SCARB1: variants seen among roughly 807,000 people sequenced by gnomAD.
The protein encoded by SCARB1 is CD36 and LIMPII analogous 1.
Under a neutral mutation model 57.2 loss-of-function variants are expected in SCARB1, and 30 were observed. The ratio of observed to expected loss-of-function variants is 0.52; its 90% CI spans 0.39 to 0.71. The LOEUF is 0.71. Among genes scored for constraint, SCARB1 ranks in the 30% least tolerant of loss-of-function variants. SCARB1 has a pLI of 0.00. For synonymous variants in SCARB1, 249 were observed against 268.3 expected (o/e 0.93, Z 0.70); for missense variants, 543 against 671.2 (o/e 0.81, Z 2.11).
intron 1 of SCARB1, among the ~76,000 whole-genome samples, chr12:124,836,329 T>C (rs760422981): frequency 2.6e-5 from 4 of 152,164 alleles, no homozygotes; most frequent in Non-Finnish European, 5.9e-5. Flanking sequence ...CAAAATCTAC[T>C]GAGGCAGAGC....
At chr12:124,852,420 C>T (rs924254705) in intron 1 of SCARB1, among the ~76,000 whole-genome samples, 3 of 152,138 alleles carry the variant, frequency 2.0e-5, no homozygotes, top group Non-Finnish European at 4.4e-5. Flanking sequence ...CGCTACAGCC[C>T]GAGGAGGGAG....
At chr12:124,820,143 T>C (rs765376628) in intron 1 of SCARB1, among the ~76,000 whole-genome samples, 11 of 152,072 alleles carry the variant, frequency 7.2e-5, no homozygotes, top group Non-Finnish European at 1.6e-4. Flanking sequence ...GAGCAGCCCA[T>C]AGGTGCAAAC....
chr12:124,858,095 G>A (rs1354560151), intron 1 of SCARB1, among the ~76,000 whole-genome samples: 1 of 152,196 alleles, frequency 6.6e-6, no homozygotes, highest in Non-Finnish European at 1.5e-5. Context: ...CAGGGAATGG[G>A]AGCAAGAGTC....
intron 1 of SCARB1, among the ~76,000 whole-genome samples, chr12:124,851,102 G>A (rs527850970): frequency 6.6e-6 from 1 of 152,298 alleles, no homozygotes; most frequent in Admixed American, 6.5e-5. Context: ...AATGAGCATT[G>A]ACTCCATAAG....
At chr12:124,837,593 G>A (rs200152433) in intron 1 of SCARB1, among the ~76,000 whole-genome samples, 1 of 37,462 alleles carries the variant, frequency 2.7e-5, no homozygotes, top group African/African-American at 1.5e-4. Flanking sequence ...GAAAAGAAAA[G>A]AAAAGTCAGC....
At chr12:124,850,761 T>C (rs1414216068) in intron 1 of SCARB1, among the ~76,000 whole-genome samples, 2 of 152,172 alleles carry the variant, frequency 1.3e-5, no homozygotes, top group African/African-American at 4.8e-5. Context: ...GTAAACAGAA[T>C]AGTCAGCCAA....
intron 1 of SCARB1, among the ~76,000 whole-genome samples, chr12:124,832,519 C>A (rs1479603806): frequency 5.0e-4 from 72 of 144,400 alleles, no homozygotes; most frequent in African/African-American, 6.5e-4. Flanking sequence ...GACTTGGTCT[C>A]AAAAAAAAAA....
At chr12:124,827,780 C>G (rs1951220407) in intron 1 of SCARB1, among the ~76,000 whole-genome samples, 1 of 152,186 alleles carries the variant, frequency 6.6e-6, no homozygotes, top group East Asian at 1.9e-4. Flanking sequence ...CTCATCCAAC[C>G]TGCCCCTAAA....
chr12:124,807,656 G>T lies in SCARB1; in HGVS notation c.1009+105C>A, dbSNP rs772553674. The T allele has an allele frequency of 1.8e-6, 2 of 1,095,722 alleles. No homozygotes were observed. The highest frequency in any genetic ancestry group is 5.0e-5 in the East Asian group (2 of 39,614). 67.9% of individuals were successfully genotyped at this position (1,095,722 alleles called of 1,614,324 possible). A position where few individuals can be genotyped will look rare whatever the true frequency, so the allele number is the denominator to read the frequency against. Reference sequence around the variant, plus strand: ...TATCTTCGCCTAATGGGATTATCAAGAGTACAGAGGCCAGAGATTAAGCAG... The same window carrying T: ...TATCTTCGCCTAATGGGATTATCAATAGTACAGAGGCCAGAGATTAAGCAG... On this transcript the variant is annotated intron_variant, in intron 7 of 12. Coordinates refer to ENST00000261693, the MANE Select transcript of SCARB1 (RefSeq NM_005505.5). The surrounding 1 kb of genome is among the most constrained non-coding windows in gnomAD (Gnocchi z 5.3).
At chr12:124,806,471 AACAC>A (rs1287605816) in intron 7 of SCARB1, among the ~76,000 whole-genome samples, 1 of 152,184 alleles carries the variant, frequency 6.6e-6, no homozygotes, top group Non-Finnish European at 1.5e-5. Flanking sequence ...GATGTTACGT[AACAC>A]ACAGACCCTC....
chr12:124,804,031 T>C lies in SCARB1; in HGVS notation c.1009+3730A>G, dbSNP rs78975052. Among the ~76,000 whole-genome samples, 1,116 of 152,288 alleles carry C rather than the reference T, an allele frequency of 7.3e-3. 16 individuals are homozygous for C. Among genetic ancestry groups the C allele is most frequent in the African/African-American group, 0.026 (1,066 of 41,548 alleles). Reference sequence around the variant, plus strand: ...TTGGAGGGGATGGGCATGTCGTTTCTCCCCCTTCTCCTGGTACCTACACCC... The same window carrying C: ...TTGGAGGGGATGGGCATGTCGTTTCCCCCCCTTCTCCTGGTACCTACACCC... On this transcript the variant is annotated intron_variant, in intron 7 of 12. Coordinates refer to ENST00000261693, the MANE Select transcript of SCARB1 (RefSeq NM_005505.5).
At chr12:124,808,301 T>C (rs1344003588) in intron 6 of SCARB1, among the ~76,000 whole-genome samples, 1 of 152,046 alleles carries the variant, frequency 6.6e-6, no homozygotes, top group Non-Finnish European at 1.5e-5. Context: ...AAAAATAAAA[T>C]TGTTTTTGAA....
rs773133004 is a variant in SCARB1, at chr12:124,814,363, G to C, written c.469C>G (p.Leu157Val). Residue 157 changes from leucine to valine, a missense_variant, in exon 4 of 13, where the codon CTC becomes GTC. Coordinates refer to ENST00000261693, the MANE Select transcript of SCARB1 (RefSeq NM_005505.5). The surrounding 1 kb of genome is among the most constrained non-coding windows in gnomAD (Gnocchi z 4.7). ...MMENKPMTLK[L>V]IMTLAFTTLG... ...GTGGTGAATGCCAAGGTCATGATGA[G>C]CTTCAGGGTCATGGGCTTATTCTCC... 6.2e-7 allele frequency: 1 copy of C among 1,614,048 alleles called. No homozygotes were observed. Among genetic ancestry groups the C allele is most frequent in the Non-Finnish European group, 8.5e-7 (1 of 1,180,032 alleles).
intron 1 of SCARB1, among the ~76,000 whole-genome samples, chr12:124,820,466 G>T (rs935844012): frequency 6.6e-6 from 1 of 151,862 alleles, no homozygotes; most frequent in Non-Finnish European, 1.5e-5. Flanking sequence ...ACCCCATGGC[G>T]GCTCCCACCA....
In SCARB1 at chr12:124,814,506, T is replaced by C; in HGVS notation, c.427-101A>G. On this transcript the variant is annotated intron_variant, in intron 3 of 12. Transcript: ENST00000261693. This position sits in a 1 kb window ranked among gnomAD's most constrained non-coding sequence, Gnocchi z 4.7. Reference sequence around the variant, plus strand: ...ACAGCAAAGAGCCCATGAAGGGAAATGCTGGGGTGCAGGAGGCCCCTGGAG... The same window carrying C: ...ACAGCAAAGAGCCCATGAAGGGAAACGCTGGGGTGCAGGAGGCCCCTGGAG... The C allele has an allele frequency of 5.4e-6, 7 of 1,296,370 alleles. No individual in the cohort carries two copies. The highest frequency in any genetic ancestry group is 7.7e-6 in the Non-Finnish European group (7 of 905,188). 80.3% of individuals were successfully genotyped at this position (1,296,370 alleles called of 1,614,324 possible).
rs534488242 is a variant in SCARB1, at chr12:124,807,720, T to C, written c.1009+41A>G. 2 of 1,609,400 alleles carry C rather than the reference T, an allele frequency of 1.2e-6. No homozygotes were observed. Among genetic ancestry groups the C allele is most frequent in the Admixed American group, 1.7e-5 (1 of 59,882 alleles). On this transcript the variant is annotated intron_variant, in intron 7 of 12. Coordinates refer to ENST00000261693, the MANE Select transcript of SCARB1 (RefSeq NM_005505.5). The surrounding 1 kb of genome is among the most constrained non-coding windows in gnomAD (Gnocchi z 5.3). The stretch of plus-strand genomic sequence containing the variant: ...GATAAACCCTCAGCTGGCCCCACCC[T>C]CACACCCTCCCGCCATCCCAGCACA...
intron 9 of SCARB1, among the ~76,000 whole-genome samples, chr12:124,793,353 T>G (rs1949798186): frequency 6.6e-6 from 1 of 152,148 alleles, no homozygotes; most frequent in African/African-American, 2.4e-5. Context: ...TTATAGCAAG[T>G]GCTGGTGCGC....
chr12:124,790,181 C>A (rs922921204), intron 9 of SCARB1, among the ~76,000 whole-genome samples: 1 of 151,820 alleles, frequency 6.6e-6, no homozygotes, highest in Non-Finnish European at 1.5e-5. Context: ...TCAAGACCAG[C>A]CTGGGCAACA....
At chr12:124,778,651 GC>G in intron 12 of SCARB1, 65 bp from the exon 13 acceptor site, 1 of 876,442 alleles carries the variant, frequency 1.1e-6, no homozygotes, top group Non-Finnish European at 1.5e-6. Flanking sequence ...CCTCATCCCC[GC>G]CCACCACAGC....
Sources: allele counts gnomAD v4.1 joint callset (sites outside exome capture counted in the v4.1 genomes callset), GRCh38; gene constraint gnomAD v4.1.1; non-coding constraint Gnocchi (gnomAD v3.1); transcripts MANE v1.5; gene names NCBI Gene and HGNC (gene_info 2026-07-23, HGNC 2026-07-21).